Variants in AMPD3 observed in about 807,000 individuals in gnomAD.
AMPD3 encodes the protein AMP deaminase 3.
In AMPD3, 57 loss-of-function variants were observed where a neutral mutation model predicts 82.3. The ratio of observed to expected loss-of-function variants is 0.69; its 90% CI spans 0.56 to 0.86. AMPD3 has a LOEUF of 0.86. AMPD3 is among the 40% of genes least tolerant of loss of function. The probability of loss-of-function intolerance (pLI) is 0.00; values close to 1 mark genes in which losing one functional copy is unlikely to be tolerated. For synonymous variants in AMPD3, 381 were observed against 394.7 expected, an observed-to-expected ratio of 0.97 and a Z score of 0.41; for missense variants, 870 against 1,003.8, an observed-to-expected ratio of 0.87 and a Z score of 1.80.
At chr11:10,480,972 G>C (rs1848887301) in intron 3 of AMPD3, among the ~76,000 whole-genome samples, 1 of 152,158 alleles carries the variant, frequency 6.6e-6, no homozygotes, top group Non-Finnish European at 1.5e-5. Flanking sequence ...CCTGTTGGAA[G>C]GCGGGAATTT....
upstream of AMPD3, chr11:10,451,075 T>C: frequency 3.2e-6 from 5 of 1,564,184 alleles, no homozygotes; most frequent in Non-Finnish European, 4.3e-6. Context: ...CTGCTGACCT[T>C]GGGCCAGCCC....
At chr11:10,497,206 T>G (rs1849431556) in intron 10 of AMPD3, among the ~76,000 whole-genome samples, 1 of 151,810 alleles carries the variant, frequency 6.6e-6, no homozygotes, top group African/African-American at 2.4e-5. Context: ...AAGGCAACAG[T>G]GGGCAAAGAC....
chr11:10,491,367 G>A (rs1849235601), intron 6 of AMPD3, among the ~76,000 whole-genome samples: 1 of 152,188 alleles, frequency 6.6e-6, no homozygotes, highest in South Asian at 2.1e-4. Flanking sequence ...AAGGCAGACT[G>A]GGGATGAGGG....
intron 4 of AMPD3, among the ~76,000 whole-genome samples, chr11:10,483,560 C>T (rs1848976674): frequency 6.6e-6 from 1 of 152,212 alleles, no homozygotes; most frequent in Non-Finnish European, 1.5e-5. Context: ...GACAGAGGAC[C>T]CCTGGGTTCT....
upstream of AMPD3, chr11:10,450,620 C>T (rs992057316): frequency 2.0e-6 from 2 of 995,128 alleles, no homozygotes; most frequent in East Asian, 2.1e-4. Flanking sequence ...GGCGCGGGCC[C>T]CGCGGAGCCC....
Position 10,495,087 on chromosome 11 carries a change from C to T in AMPD3, c.1266+57C>T, listed in dbSNP as rs1203476495. Reference sequence around the variant, plus strand: ...TCAGGTGCCTCCCAACATCTGCCTTCAGAGAGTGGGGGCCCTGTGTGCCCC... The same window carrying T: ...TCAGGTGCCTCCCAACATCTGCCTTTAGAGAGTGGGGGCCCTGTGTGCCCC... On this transcript the variant is annotated intron_variant, in intron 8 of 14. Transcript: ENST00000396553. 3.1e-6 allele frequency: 5 copies of T among 1,613,308 alleles called. No individual in the cohort carries two copies. In the African/African-American group the frequency reaches 6.7e-5, roughly 22 times the overall value.
At chr11:10,469,989 G>A (rs1412568169) in intron 2 of AMPD3, among the ~76,000 whole-genome samples, 4 of 148,714 alleles carry the variant, frequency 2.7e-5, no homozygotes, top group Non-Finnish European at 4.4e-5. Flanking sequence ...GCAGTGAGCC[G>A]AGATCCCGCC....
chr11:10,498,032 A>G (rs1175015206), intron 10 of AMPD3, among the ~76,000 whole-genome samples: 1 of 152,236 alleles, frequency 6.6e-6, no homozygotes, highest in Non-Finnish European at 1.5e-5. Flanking sequence ...ATTAAAACAG[A>G]TCATAAAGCT....
intron 2 of AMPD3, among the ~76,000 whole-genome samples, chr11:10,463,234 G>A (rs954589743): frequency 1.9e-4 from 28 of 151,060 alleles, no homozygotes; most frequent in Admixed American, 1.3e-3. Context: ...TTCTTAACTC[G>A]TTTGGAAAGA....
chr11:10,486,297 G>A (rs1380543030), intron 5 of AMPD3, among the ~76,000 whole-genome samples: 1 of 152,216 alleles, frequency 6.6e-6, no homozygotes, highest in South Asian at 2.1e-4. Flanking sequence ...AGTGCCGGCA[G>A]ATGCTCTTAT....
chr11:10,450,477 C>A (rs897454913), upstream of AMPD3: 2 of 985,666 alleles, frequency 2.0e-6, no homozygotes, highest in Non-Finnish European at 2.4e-6. Flanking sequence ...CCCAGAGTCT[C>A]GCGCTGGGAA....
chr11:10,502,174 C>T (rs1849599003), intron 12 of AMPD3: 2 of 985,426 alleles, frequency 2.0e-6, no homozygotes, highest in South Asian at 9.4e-5. Context: ...AAAATGCTCC[C>T]TTTCCCTGAT....
At chr11:10,494,510 A>AAAAAAAAACTTTTGTT in intron 7 of AMPD3, 2 of 843,836 alleles carry the variant, frequency 2.4e-6, no homozygotes, top group Non-Finnish European at 2.6e-6. Context: ...TTATTAGAAC[A>AAAAAAAAACTTTTGTT]AAAAAAACTT....
chr11:10,494,847 G>A (rs752855427), intron 7 of AMPD3, 52 bp from the exon 8 acceptor site: 14 of 1,587,598 alleles, frequency 8.8e-6, no homozygotes, highest in African/African-American at 2.7e-5. Context: ...AGAGGGGAAC[G>A]TGCATGGTGG....
At chr11:10,455,474 G>A in intron 1 of AMPD3, 26 bp downstream of exon 1, 1 of 964,694 alleles carries the variant, frequency 1.0e-6, no homozygotes. Flanking sequence ...TTTGGGGTGG[G>A]CTCCGGTGGG....
intron 8 of AMPD3, 163 bp from the exon 9 acceptor site, chr11:10,495,407 A>C: frequency 1.0e-6 from 1 of 983,990 alleles, no homozygotes; most frequent in Non-Finnish European, 1.2e-6. Flanking sequence ...CTAAAGTGGA[A>C]CAAGAGCTTA....
Position 10,496,943 on chromosome 11 carries a change from G to C in AMPD3, c.1557+5G>C. 1 of 1,614,012 alleles carries C rather than the reference G, an allele frequency of 6.2e-7. No homozygotes were observed. The highest frequency in any genetic ancestry group is 8.5e-7 in the Non-Finnish European group (1 of 1,179,906). ...CTTCACCTCTTCCTTAAATATGTAAGTGTGGGTGGTGCCCTAGGCAGGGCT... is the reference window on the plus strand; with the variant it reads ...CTTCACCTCTTCCTTAAATATGTAACTGTGGGTGGTGCCCTAGGCAGGGCT... On this transcript the variant is annotated splice_donor_5th_base_variant and intron_variant, in intron 10 of 14. Coordinates refer to ENST00000396553, the MANE Select transcript of AMPD3 (RefSeq NM_001025389.2).
chr11:10,475,744 G>A (rs1287914854), intron 2 of AMPD3, among the ~76,000 whole-genome samples: 4 of 152,116 alleles, frequency 2.6e-5, no homozygotes, highest in Non-Finnish European at 4.4e-5. Context: ...CAAAGCAACA[G>A]CACAATGACC....
chr11:10,473,552 T>G (rs752836590), intron 2 of AMPD3: 2 of 985,208 alleles, frequency 2.0e-6, no homozygotes, highest in Non-Finnish European at 2.4e-6. Context: ...TCACACCTGA[T>G]TGGCTGCAAA....
Sources: allele counts gnomAD v4.1 joint callset (sites outside exome capture counted in the v4.1 genomes callset), GRCh38; gene constraint gnomAD v4.1.1; transcripts MANE v1.5; gene names NCBI Gene and HGNC (gene_info 2026-07-23, HGNC 2026-07-21).